TDRD7: variants seen among roughly 807,000 people sequenced by gnomAD.
TDRD7 encodes the protein tudor domain-containing protein 7.
In TDRD7, 47 loss-of-function variants were observed where a neutral mutation model predicts 109.8. The ratio of observed to expected loss-of-function variants is 0.43; its 90% CI spans 0.34 to 0.55. The LOEUF is 0.55. Among genes scored for constraint, TDRD7 ranks in the 20% least tolerant of loss-of-function variants. TDRD7 has a pLI of 0.03. For synonymous variants in TDRD7, 424 were observed against 457.3 expected (o/e 0.93, Z 0.93); for missense variants, 1,164 against 1,319.2 (o/e 0.88, Z 1.82).
At chr9:97,464,179 A>C (rs1172556246) in intron 7 of TDRD7, among the ~76,000 whole-genome samples, 3 of 152,038 alleles carry the variant, frequency 2.0e-5, no homozygotes, top group African/African-American at 7.2e-5. Flanking sequence ...TCCATTTTCC[A>C]CGTCTCCTCC....
chr9:97,413,916 T>C (rs1827767279), intron 1 of TDRD7, among the ~76,000 whole-genome samples: 1 of 152,218 alleles, frequency 6.6e-6, no homozygotes, highest in Non-Finnish European at 1.5e-5. Context: ...ATCAAGAGAT[T>C]TTAAACTCCT....
chr9:97,486,919 C>G (rs2131181853), intron 15 of TDRD7, among the ~76,000 whole-genome samples: 1 of 152,298 alleles, frequency 6.6e-6, no homozygotes, highest in South Asian at 2.1e-4. Flanking sequence ...CTTTCCTTCA[C>G]TAACTCCAGG....
chr9:97,479,725 C>T (rs984752550), intron 13 of TDRD7, among the ~76,000 whole-genome samples: 2 of 152,164 alleles, frequency 1.3e-5, no homozygotes, highest in Non-Finnish European at 1.5e-5. Flanking sequence ...CCCTTAAATA[C>T]TGAGTTTTGG....
chr9:97,483,699 TA>T (rs951007275), intron 15 of TDRD7, among the ~76,000 whole-genome samples: 9 of 151,916 alleles, frequency 5.9e-5, no homozygotes, highest in East Asian at 1.9e-4. Flanking sequence ...TTTTAAAATA[TA>T]AAAAAAGCAT....
In TDRD7 at chr9:97,464,881, G is replaced by C; in HGVS notation, c.1482G>C (p.Met494Ile). 6.2e-7 allele frequency: 1 copy of C among 1,614,142 alleles called. No individual in the cohort carries two copies. The highest frequency in any genetic ancestry group is 8.5e-7 in the Non-Finnish European group (1 of 1,180,022). ...ACTATTCTGCTGCTCAGGAATTAAT[G>C]GAAGATGAGATGAAGGAATATTACA... ...GKDYSAAQEL[M>I]EDEMKEYYSK... The change falls in exon 8 of 17, where the codon ATG becomes ATC. Residue 494 changes from methionine to isoleucine, a missense_variant. This residue lies in a region of TDRD7 where 261 missense variants were observed against 336.2 expected (regional missense o/e 0.78). Coordinates refer to ENST00000355295, the MANE Select transcript of TDRD7 (RefSeq NM_014290.3).
chr9:97,442,634 A>T (rs997261057), intron 6 of TDRD7, among the ~76,000 whole-genome samples: 2 of 152,202 alleles, frequency 1.3e-5, no homozygotes, highest in African/African-American at 4.8e-5. Context: ...ATTAACAGCT[A>T]CTCGATGCTT....
Position 97,495,941 on chromosome 9 carries a change from G to A in TDRD7, c.*58G>A, listed in dbSNP as rs1421420415. On this transcript the variant is annotated 3_prime_UTR_variant, in exon 17 of 17. Transcript: ENST00000355295. ...GATTTTTTAGCAATAACAAAATGTA[G>A]TAGGCTTAAAAAAAATCTTAACTCT... The A allele has an allele frequency of 2.1e-6, 3 of 1,433,332 alleles. No individual in the cohort carries two copies. The highest frequency in any genetic ancestry group is 2.9e-6 in the Non-Finnish European group (3 of 1,018,076). 88.8% of individuals were successfully genotyped at this position (1,433,332 alleles called of 1,614,324 possible). A position where few individuals can be genotyped will look rare whatever the true frequency, so the allele number is the denominator to read the frequency against.
Position 97,428,569 on chromosome 9 carries a change from C to T in TDRD7, c.104C>T (p.Thr35Ile). Residue 35 changes from threonine (T) to isoleucine (I), a missense_variant, in exon 2 of 17, where the codon ACT becomes ATT. Thr to Ile is a moderately conservative substitution (Grantham distance 89, BLOSUM62 -1). Transcript: ENST00000355295. ...CTCCAAGGAGAGTACAGATCCTTGA[C>T]TGGAGACTGGATCCCCTTCAAACAG... The part of the protein sequence containing the change: ...PRLQGEYRSL[T>I]GDWIPFKQLG... The T allele has an allele frequency of 1.2e-6, 2 of 1,613,842 alleles. No homozygotes were observed. Among genetic ancestry groups the T allele is most frequent in the Non-Finnish European group, 1.7e-6 (2 of 1,179,904 alleles).
intron 14 of TDRD7, among the ~76,000 whole-genome samples, chr9:97,481,839 G>T (rs1430425363): frequency 1.3e-5 from 2 of 152,122 alleles, no homozygotes; most frequent in Non-Finnish European, 2.9e-5. Flanking sequence ...TTTGCAGTCA[G>T]TATTTAATTA....
At chr9:97,477,631 G>A (rs535610846) in intron 12 of TDRD7, among the ~76,000 whole-genome samples, 8 of 152,088 alleles carry the variant, frequency 5.3e-5, no homozygotes. Flanking sequence ...CATTCTCTTA[G>A]TGATGTATGG....
At chr9:97,427,027 C>T (rs1828009115) in intron 1 of TDRD7, among the ~76,000 whole-genome samples, 1 of 152,158 alleles carries the variant, frequency 6.6e-6, no homozygotes, top group South Asian at 2.1e-4. Context: ...TTTAAGTGCT[C>T]AGAGCCATAT....
At chr9:97,447,000 TA>T (rs1270779163) in intron 6 of TDRD7, among the ~76,000 whole-genome samples, 1 of 152,206 alleles carries the variant, frequency 6.6e-6, no homozygotes, top group Non-Finnish European at 1.5e-5. Context: ...ATAATCATAA[TA>T]TTTTTTAAAT....
At chr9:97,447,250 G>T (rs765284728) in intron 6 of TDRD7, among the ~76,000 whole-genome samples, 103 of 152,228 alleles carry the variant, frequency 6.8e-4, no homozygotes, top group Non-Finnish European at 8.7e-4. Context: ...GGGCTTTGAG[G>T]TAGATTTTTA....
intron 6 of TDRD7, among the ~76,000 whole-genome samples, chr9:97,457,692 A>G (rs1828642873): frequency 6.6e-6 from 1 of 152,130 alleles, no homozygotes; most frequent in Non-Finnish European, 1.5e-5. Context: ...ACGTATGTTT[A>G]TTGCAGTGCT....
intron 9 of TDRD7, among the ~76,000 whole-genome samples, chr9:97,471,442 C>G (rs1287205788): frequency 6.6e-6 from 1 of 152,114 alleles, no homozygotes; most frequent in Non-Finnish European, 1.5e-5. Context: ...AACTTGTTAA[C>G]AACTTTTAGA....
chr9:97,422,084 T>C (rs1233056627), intron 1 of TDRD7, among the ~76,000 whole-genome samples: 1 of 152,204 alleles, frequency 6.6e-6, no homozygotes, highest in Non-Finnish European at 1.5e-5. Flanking sequence ...TTGAATTTCC[T>C]TAGCATCTTT....
intron 15 of TDRD7, among the ~76,000 whole-genome samples, chr9:97,486,357 T>C (rs1829211603): frequency 6.6e-6 from 1 of 152,186 alleles, no homozygotes; most frequent in Non-Finnish European, 1.5e-5. Context: ...TCTGGGTTTT[T>C]CTCATTTTAA....
chr9:97,456,686 A>G (rs1283847730), intron 6 of TDRD7, among the ~76,000 whole-genome samples: 1 of 152,254 alleles, frequency 6.6e-6, no homozygotes, highest in African/African-American at 2.4e-5. Flanking sequence ...GATGAATTAA[A>G]GACTTAAATG....
chr9:97,493,573 T>C (rs894125190), intron 16 of TDRD7, among the ~76,000 whole-genome samples: 2 of 152,202 alleles, frequency 1.3e-5, no homozygotes, highest in South Asian at 2.1e-4. Flanking sequence ...CACGTTGTCA[T>C]TGATAACATC....
Sources: allele counts gnomAD v4.1 joint callset (sites outside exome capture counted in the v4.1 genomes callset), GRCh38; gene constraint gnomAD v4.1.1; regional missense constraint gnomAD v4.1.1; transcripts MANE v1.5; gene names NCBI Gene and HGNC (gene_info 2026-07-23, HGNC 2026-07-21).